LARS2: variants seen among roughly 807,000 people sequenced by gnomAD.
LARS2 encodes the protein leucine--tRNA ligase, mitochondrial.
A neutral mutation model predicts 116.6 loss-of-function variants in LARS2; 81 were observed. That is an observed-to-expected ratio of 0.69 (90% CI 0.58 to 0.84). The LOEUF is 0.84. LARS2 is among the 40% of genes least tolerant of loss of function. LARS2 has a pLI of 0.00. For synonymous variants in LARS2, 396 were observed against 407.2 expected (o/e 0.97, Z 0.33); for missense variants, 968 against 1,114.5 (o/e 0.87, Z 1.87).
chr3:45,477,380 G>A (rs1699633611), intron 10 of LARS2, among the ~76,000 whole-genome samples: 1 of 152,234 alleles, frequency 6.6e-6, no homozygotes, highest in Non-Finnish European at 1.5e-5. Flanking sequence ...AGTCCCCTGA[G>A]TGCCACTGTC....
At chr3:45,398,425 A>G (rs1002834613) in intron 3 of LARS2, among the ~76,000 whole-genome samples, 2 of 152,270 alleles carry the variant, frequency 1.3e-5, no homozygotes, top group African/African-American at 4.8e-5. Flanking sequence ...GGTTATGAAT[A>G]TTCTGTTTCG....
At chr3:45,439,210 CTTTTTTTTTTTTTTTT>C (rs575140221) in intron 6 of LARS2, among the ~76,000 whole-genome samples, 3 of 62,456 alleles carry the variant, frequency 4.8e-5, no homozygotes, top group East Asian at 5.8e-4. Flanking sequence ...GAAACTCTGG[CTTTTTTTTTTTTTTTT>C]TTTTTTTTTT....
intron 6 of LARS2, chr3:45,421,246 C>T (rs897329786): frequency 1.3e-5 from 2 of 152,140 alleles, no homozygotes; most frequent in Non-Finnish European, 2.9e-5. Context: ...ATTTATTTCA[C>T]TGTAAAACCT....
chr3:45,417,362 A>G (rs1698443868), intron 4 of LARS2, 120 bp from the exon 5 acceptor site: 3 of 768,744 alleles, frequency 3.9e-6, no homozygotes, highest in Admixed American at 2.2e-5. Context: ...CATAACCTGA[A>G]AACATCCAGC....
intron 8 of LARS2, among the ~76,000 whole-genome samples, chr3:45,464,921 C>T (rs1422671617): frequency 6.6e-6 from 1 of 152,160 alleles, no homozygotes; most frequent in Non-Finnish European, 1.5e-5. Flanking sequence ...CTTCGAAGCT[C>T]TTACTGCATT....
At chr3:45,484,460 C>T (rs1355288996) in intron 10 of LARS2, among the ~76,000 whole-genome samples, 1 of 149,930 alleles carries the variant, frequency 6.7e-6, no homozygotes, top group Admixed American at 6.7e-5. Flanking sequence ...TTGTAATACA[C>T]TTCATTTAAG....
In LARS2 at chr3:45,485,766, G is replaced by A; in HGVS notation, c.1093G>A (p.Asp365Asn). The A allele has an allele frequency of 6.2e-7, 1 of 1,610,996 alleles. No homozygotes were observed. Among genetic ancestry groups the A allele is most frequent in the Non-Finnish European group, 8.5e-7 (1 of 1,178,038 alleles). The change falls in exon 11 of 22, where the codon GAC (aspartate) becomes AAC (asparagine). Residue 365 changes from aspartate (D) to asparagine (N), a missense_variant. Coordinates refer to ENST00000645846, the MANE Select transcript of LARS2 (RefSeq NM_015340.4). ...CCCTGTCGTTATTTTGGCCAAAGCT[G>A]ACTTGGAAGGCTCTCTGGATTCAAA... Reference protein sequence around the residue: ...EVPVVILAKADLEGSLDSKIG... With the variant: ...EVPVVILAKANLEGSLDSKIG...
At chr3:45,546,866 G>C (rs1700883242) in intron 21 of LARS2, among the ~76,000 whole-genome samples, 1 of 152,200 alleles carries the variant, frequency 6.6e-6, no homozygotes, top group Non-Finnish European at 1.5e-5. Flanking sequence ...AGAGAGAGAA[G>C]TTTGACTGTG....
In LARS2 at chr3:45,547,464, A is replaced by T; in HGVS notation, c.2646A>T (p.Gly882=). 2 of 1,613,832 alleles carry T rather than the reference A, an allele frequency of 1.2e-6. No individual in the cohort carries two copies. Among genetic ancestry groups the T allele is most frequent in the Non-Finnish European group, 1.7e-6 (2 of 1,179,910 alleles). ...AGCTGGGTGTCAGGCTTTTGCAAGG[A>T]CGAAGCATCAAGAAGTCCTTCCTTT... The part of the protein sequence containing the change: ...QSELGVRLLQ[G]RSIKKSFLSP... The change falls in exon 22 of 22, where the codon GGA becomes GGT. Residue 882 remains glycine, a synonymous_variant. Transcript: ENST00000645846.
intron 20 of LARS2, among the ~76,000 whole-genome samples, chr3:45,525,292 G>A (rs1163426738): frequency 1.3e-5 from 2 of 152,152 alleles, no homozygotes; most frequent in African/African-American, 4.8e-5. Flanking sequence ...AGCTTAGTTT[G>A]GATTTTTATC....
At chr3:45,426,997 C>T (rs936746787) in intron 6 of LARS2, among the ~76,000 whole-genome samples, 1 of 152,168 alleles carries the variant, frequency 6.6e-6, no homozygotes, top group African/African-American at 2.4e-5. Context: ...TGGCTATTAA[C>T]ACTTGGTGGG....
chr3:45,507,009 G>A (rs1298653907), intron 15 of LARS2: 9 of 151,928 alleles, frequency 5.9e-5, no homozygotes, highest in Non-Finnish European at 1.0e-4. Context: ...ATGATTAACC[G>A]GGAATTAATG....
intron 6 of LARS2, 56 bp downstream of exon 6, chr3:45,419,785 G>A: frequency 1.5e-6 from 2 of 1,375,892 alleles, no homozygotes; most frequent in Non-Finnish European, 2.1e-6. Flanking sequence ...CTTGATGGCA[G>A]GGAGCACTCT....
intron 6 of LARS2, among the ~76,000 whole-genome samples, chr3:45,436,362 A>G (rs1375658200): frequency 2.6e-5 from 4 of 152,136 alleles, no homozygotes; most frequent in Non-Finnish European, 5.9e-5. Context: ...AAAAAAAACA[A>G]AAACAGGGAA....
intron 10 of LARS2, among the ~76,000 whole-genome samples, chr3:45,479,784 T>C (rs904446814): frequency 1.2e-4 from 18 of 152,172 alleles, no homozygotes; most frequent in Admixed American, 1.2e-3. Context: ...CTAGAAGCTG[T>C]TCTGTCTTTT....
chr3:45,392,002 G>A (rs1697961206), intron 2 of LARS2, among the ~76,000 whole-genome samples: 1 of 152,174 alleles, frequency 6.6e-6, no homozygotes, highest in African/African-American at 2.4e-5. Flanking sequence ...GAAGTGGCAA[G>A]CATCCATCTA....
chr3:45,417,200 A>G (rs1489099992), intron 4 of LARS2, among the ~76,000 whole-genome samples: 1 of 152,158 alleles, frequency 6.6e-6, no homozygotes, highest in African/African-American at 2.4e-5. Context: ...CAGAAAAACA[A>G]TTTGGGTTCA....
At chr3:45,415,860 A>ATAT (rs1553627794) in intron 4 of LARS2, among the ~76,000 whole-genome samples, 3 of 92,738 alleles carry the variant, frequency 3.2e-5, no homozygotes, top group African/African-American at 1.5e-4. Context: ...AAAAAAAAAA[A>ATAT]ATATATATAT....
At chr3:45,495,734 A>G (rs1700000535) in intron 13 of LARS2, among the ~76,000 whole-genome samples, 1 of 152,254 alleles carries the variant, frequency 6.6e-6, no homozygotes, top group Non-Finnish European at 1.5e-5. Flanking sequence ...AATTCAGAGA[A>G]GTGGAAAATA....
Sources: gnomAD v4.1 joint callset for allele counts (sites outside exome capture counted in the v4.1 genomes callset) on GRCh38, gnomAD v4.1.1 for gene constraint, MANE v1.5 for transcripts, NCBI Gene and HGNC (gene_info 2026-07-23, HGNC 2026-07-21) for gene names.